ATRX: variants seen among roughly 807,000 people sequenced by gnomAD.
The protein encoded by ATRX is ATRX chromatin remodeler, also known as chromatin remodeler ATRX.
A neutral mutation model predicts 172.6 loss-of-function variants in ATRX; 12 were observed. That is an observed-to-expected ratio of 0.07 (90% confidence interval 0.04 to 0.11). The LOEUF (loss-of-function observed/expected upper bound fraction) is 0.11. Among genes scored for constraint, ATRX ranks in the 10% least tolerant of loss-of-function variants. The probability of loss-of-function intolerance (pLI) is 1.00; values close to 1 mark genes in which losing one functional copy is unlikely to be tolerated. For synonymous variants in ATRX, 674 were observed against 594.7 expected (o/e 1.13, Z -1.94); for missense variants, 1,368 against 1,767.4 (o/e 0.77, Z 4.05).
intron 1 of ATRX, among the ~76,000 whole-genome samples, chrX:77,756,316 C>G (rs1356256281): frequency 2.7e-5 from 3 of 110,668 alleles, no homozygotes; most frequent in African/African-American, 9.9e-5. Context: ...GCAAGACCAC[C>G]TAGCTCCCTG....
At chrX:77,633,130 C>T (rs1305680748) in intron 19 of ATRX, 77 bp downstream of exon 19, 2 of 993,402 alleles carry the variant, frequency 2.0e-6, no homozygotes, top group Non-Finnish European at 2.9e-6. Flanking sequence ...AGTAGCTGTG[C>T]AATTACTATT....
chrX:77,785,348 C>A (rs1046903657), intron 1 of ATRX, among the ~76,000 whole-genome samples: 4 of 110,312 alleles, frequency 3.6e-5, no homozygotes, highest in Admixed American at 9.8e-5. Context: ...TGTGTTAAGT[C>A]CCCCCTCGCC....
chrX:77,624,294 G>C (rs1557101649), intron 19 of ATRX, among the ~76,000 whole-genome samples: 1 of 111,266 alleles, frequency 9.0e-6, no homozygotes, highest in African/African-American at 3.3e-5. Flanking sequence ...GTGAACCCGG[G>C]AGGCGGAGCT....
chrX:77,701,240 G>A (rs887827793), intron 2 of ATRX, among the ~76,000 whole-genome samples: 2 of 111,434 alleles, frequency 1.8e-5, no homozygotes, highest in Non-Finnish European at 3.8e-5. Context: ...GGCCAGGTGT[G>A]GTGGCTCACA....
At chrX:77,708,398 C>A (rs782553374) in intron 2 of ATRX, among the ~76,000 whole-genome samples, 1 of 112,380 alleles carries the variant, frequency 8.9e-6, no homozygotes, top group South Asian at 3.6e-4. Flanking sequence ...CAGTGGCTCA[C>A]GCCTGCAATC....
At chrX:77,659,482 TACACACACAC>T (rs72145948) in intron 12 of ATRX, among the ~76,000 whole-genome samples, 165 of 88,469 alleles carry the variant, frequency 1.9e-3, no homozygotes, top group African/African-American at 5.5e-3. Flanking sequence ...TTTCTCTCTC[TACACACACAC>T]ACACACACAC....
intron 19 of ATRX, among the ~76,000 whole-genome samples, chrX:77,622,916 G>A (rs782636297): frequency 9.1e-6 from 1 of 110,284 alleles, no homozygotes; most frequent in East Asian, 2.9e-4. Context: ...GCAGTGCTAA[G>A]AGGAAAGTTC....
intron 2 of ATRX, among the ~76,000 whole-genome samples, chrX:77,712,598 G>A (rs916334031): frequency 1.8e-5 from 2 of 111,626 alleles, no homozygotes; most frequent in African/African-American, 3.3e-5. Context: ...GCTGAGGCAG[G>A]TGGATCACCT....
intron 1 of ATRX, among the ~76,000 whole-genome samples, chrX:77,734,208 A>AATACATACATAC (rs201853848): frequency 1.7e-4 from 16 of 92,033 alleles, no homozygotes; most frequent in South Asian, 1.1e-3. Context: ...TTCTGTCTCA[A>AATACATACATAC]ATACATACAT....
intron 22 of ATRX, among the ~76,000 whole-genome samples, chrX:77,605,878 A>C (rs782323124): frequency 2.7e-5 from 3 of 112,066 alleles, no homozygotes; most frequent in African/African-American, 9.7e-5. Flanking sequence ...AAAAGAGAGA[A>C]TACCCAAATA....
At chrX:77,535,931 G>C (rs1334923037) in intron 30 of ATRX, among the ~76,000 whole-genome samples, 1 of 108,100 alleles carries the variant, frequency 9.3e-6, no homozygotes, top group Non-Finnish European at 1.9e-5. Flanking sequence ...GTAGATACAG[G>C]GTTTTACCAT....
chrX:77,757,710 C>T (rs1478990114), intron 1 of ATRX, among the ~76,000 whole-genome samples: 6 of 105,447 alleles, frequency 5.7e-5, no homozygotes, highest in Non-Finnish European at 7.8e-5. Flanking sequence ...CTCACTCTGT[C>T]GCCCAGGCTG....
intron 28 of ATRX, among the ~76,000 whole-genome samples, chrX:77,563,507 T>C (rs998647111): frequency 1.7e-4 from 19 of 112,179 alleles, no homozygotes; most frequent in African/African-American, 5.2e-4. Context: ...TTCTATTGGG[T>C]TGTCTAGTTT....
intron 1 of ATRX, among the ~76,000 whole-genome samples, chrX:77,749,726 C>T (rs1262224978): frequency 9.0e-6 from 1 of 111,686 alleles, no homozygotes; most frequent in Non-Finnish European, 1.9e-5. Context: ...ACGGAAAATT[C>T]CAGAAATAAA....
At chrX:77,549,626 A>G (rs1337656189) in intron 30 of ATRX, among the ~76,000 whole-genome samples, 3 of 112,595 alleles carry the variant, frequency 2.7e-5, no homozygotes, top group South Asian at 3.6e-4. Context: ...TAAACTACTT[A>G]TAAGTCTAGA....
At chrX:77,765,186 C>T (rs782333398) in intron 1 of ATRX, among the ~76,000 whole-genome samples, 5 of 111,547 alleles carry the variant, frequency 4.5e-5, no homozygotes, top group Non-Finnish European at 9.4e-5. Flanking sequence ...ACAAAACAAA[C>T]AAAAACAAAC....
intron 1 of ATRX, among the ~76,000 whole-genome samples, chrX:77,774,882 TTTTGTTTGTTTG>T (rs71880876): frequency 9.2e-5 from 10 of 108,639 alleles, no homozygotes; most frequent in Non-Finnish European, 1.3e-4. Flanking sequence ...AATTTAGTAC[TTTTGTTTGTTTG>T]TTTGTTTGTT....
chrX:77,597,554 T>C (rs1557084602), intron 25 of ATRX, among the ~76,000 whole-genome samples: 3 of 109,234 alleles, frequency 2.7e-5, no homozygotes, highest in African/African-American at 1.0e-4. Flanking sequence ...AAACTATGTA[T>C]CCAACAATGA....
At chrX:77,649,161 C>G (rs892750523) in intron 15 of ATRX, among the ~76,000 whole-genome samples, 1 of 108,330 alleles carries the variant, frequency 9.2e-6, no homozygotes, top group Non-Finnish European at 1.9e-5. Flanking sequence ...AAGACCCTAT[C>G]TTGAAAGAAA....
Sources: allele counts gnomAD v4.1 joint callset (sites outside exome capture counted in the v4.1 genomes callset), GRCh38; gene constraint gnomAD v4.1.1; transcripts MANE v1.5; gene names NCBI Gene and HGNC (gene_info 2026-07-23, HGNC 2026-07-21).